Variants in CALD1 observed in about 807,000 individuals in gnomAD.
CALD1 encodes caldesmon.
In CALD1, 33 loss-of-function variants were observed where a neutral mutation model predicts 99.9. The ratio of observed to expected loss-of-function variants is 0.33; its 90% CI spans 0.25 to 0.44. The LOEUF is 0.44. Ranked by LOEUF, CALD1 falls within the 20% of genes least tolerant of loss-of-function variation. The pLI, the probability that CALD1 is intolerant of heterozygous loss-of-function variation, is 1.00. For missense variants in CALD1, 861 were observed against 962.1 expected, an observed-to-expected ratio of 0.89 and a Z score of 1.39; for synonymous variants, 310 against 325.0, an observed-to-expected ratio of 0.95 and a Z score of 0.50.
upstream of CALD1, among the ~76,000 whole-genome samples, chr7:134,740,467 C>T (rs1376477347): frequency 6.6e-6 from 1 of 152,140 alleles, no homozygotes; most frequent in Non-Finnish European, 1.5e-5. Flanking sequence ...GAACATGCAA[C>T]TTGGCAGCAG....
intron 1 of CALD1, among the ~76,000 whole-genome samples, chr7:134,806,274 C>T (rs559770700): frequency 6.6e-6 from 1 of 152,314 alleles, no homozygotes; most frequent in Admixed American, 6.5e-5. Context: ...ATATTTGCTT[C>T]CCATTCCCTC....
chr7:134,950,584 T>C lies in CALD1; in HGVS notation c.1935+70T>C, dbSNP rs1279581586. On this transcript the variant is annotated intron_variant, in intron 9 of 14. Transcript: ENST00000361675. ...TGGATTTTAGCCCCTTGTTTAGTTA[T>C]TGATTATACAGGGCCTTTGTTCATT... The C allele has an allele frequency of 4.9e-6, 6 of 1,225,234 alleles. No individual in the cohort carries two copies. The African/African-American group carries it at 9.0e-5, about 18-fold the overall frequency. 75.9% of individuals were successfully genotyped at this position (1,225,234 alleles called of 1,614,324 possible). A position where few individuals can be genotyped will look rare whatever the true frequency, so the allele number is the denominator to read the frequency against.
At chr7:134,876,594 G>C (rs1801364552) in intron 3 of CALD1, among the ~76,000 whole-genome samples, 2 of 152,184 alleles carry the variant, frequency 1.3e-5, no homozygotes, top group Admixed American at 1.3e-4. Context: ...CAGGAACTGG[G>C]AATCAAAGTT....
At chr7:134,831,517 C>T (rs1418915416) in intron 1 of CALD1, among the ~76,000 whole-genome samples, 3 of 152,078 alleles carry the variant, frequency 2.0e-5, no homozygotes, top group African/African-American at 7.2e-5. Context: ...GATGGGGTTT[C>T]ACCATCTTGG....
upstream of CALD1, among the ~76,000 whole-genome samples, chr7:134,777,280 G>A (rs539975328): frequency 2.0e-5 from 3 of 152,018 alleles, no homozygotes; most frequent in South Asian, 6.2e-4. Flanking sequence ...CAACTATATA[G>A]TTCCTCCATG....
In CALD1 at chr7:134,949,965, G is replaced by C. The variant is rs536621000; in HGVS notation, c.1795-409G>C. ...ATGTTTTAAGAAAGTTTACGAATTT[G>C]TGTTAGGCTACATTCAAAGCCATCC... On this transcript the variant is annotated intron_variant, in intron 8 of 14. Coordinates refer to ENST00000361675, the MANE Select transcript of CALD1 (RefSeq NM_033138.4). Among the ~76,000 whole-genome samples the C allele has an allele frequency of 2.6e-5, 4 of 152,162 alleles. No individual in the cohort carries two copies. The South Asian group carries it at 6.2e-4, about 24-fold the overall frequency.
chr7:134,877,487 A>G (rs541562523), intron 3 of CALD1, among the ~76,000 whole-genome samples: 10 of 152,336 alleles, frequency 6.6e-5, no homozygotes, highest in Middle Eastern at 3.4e-3. Flanking sequence ...TGATATATAC[A>G]TATGTGTATG....
intron 13 of CALD1, among the ~76,000 whole-genome samples, chr7:134,963,239 T>C (rs1808411907): frequency 6.6e-6 from 1 of 152,246 alleles, no homozygotes; most frequent in Non-Finnish European, 1.5e-5. Context: ...AGCTTCCACC[T>C]ACGCTGGCAA....
chr7:134,857,119 T>G (rs930687302), intron 2 of CALD1, among the ~76,000 whole-genome samples: 1 of 151,784 alleles, frequency 6.6e-6, no homozygotes, highest in African/African-American at 2.4e-5. Flanking sequence ...CTCAGGCTAT[T>G]GAGTCAGTTG....
At chr7:134,844,746 G>A (rs117627691) in intron 2 of CALD1, among the ~76,000 whole-genome samples, 229 of 152,050 alleles carry the variant, frequency 1.5e-3, no homozygotes, top group Middle Eastern at 3.4e-3. Context: ...TGGATTTCTC[G>A]AGGCCCTCCT....
intron 2 of CALD1, among the ~76,000 whole-genome samples, chr7:134,854,978 C>T (rs561891317): frequency 6.6e-6 from 1 of 152,274 alleles, no homozygotes; most frequent in East Asian, 1.9e-4. Context: ...TGTGCAGCAC[C>T]TCCCCCACTC....
At chr7:134,796,035 TTAAAA>T (rs1229853427) in intron 1 of CALD1, among the ~76,000 whole-genome samples, 2 of 152,264 alleles carry the variant, frequency 1.3e-5, no homozygotes, top group Non-Finnish European at 2.9e-5. Flanking sequence ...AGATATTCTG[TTAAAA>T]TAAAACAACG....
intron 4 of CALD1, among the ~76,000 whole-genome samples, chr7:134,930,820 T>G (rs369581375): frequency 6.6e-6 from 1 of 152,312 alleles, no homozygotes; most frequent in East Asian, 1.9e-4. Context: ...CTCAATAAAT[T>G]TTCACTGTTA....
chr7:134,957,713 G>A (rs1036100193), intron 9 of CALD1, among the ~76,000 whole-genome samples: 9 of 152,128 alleles, frequency 5.9e-5, no homozygotes, highest in Non-Finnish European at 1.0e-4. Context: ...GAGCCTCAGC[G>A]CTCAGCCAAT....
chr7:134,899,696 T>G (rs1387609256), intron 3 of CALD1: 1 of 152,386 alleles, frequency 6.6e-6, no homozygotes, highest in East Asian at 1.9e-4. Context: ...CAGGCTAGAG[T>G]GCAGTGGCAC....
chr7:134,818,749 C>T (rs746965936), intron 1 of CALD1, among the ~76,000 whole-genome samples: 1 of 152,276 alleles, frequency 6.6e-6, no homozygotes, highest in South Asian at 2.1e-4. Context: ...GAAAATGTAA[C>T]TCAATGACCC....
At chr7:134,740,245 G>A (rs1796581749), upstream of CALD1, among the ~76,000 whole-genome samples, 1 of 152,094 alleles carries the variant, frequency 6.6e-6, no homozygotes, top group African/African-American at 2.4e-5. Context: ...TGCCTTGAAT[G>A]AGGAAGTAGT....
At chr7:134,893,167 C>T (rs939843230) in intron 3 of CALD1, among the ~76,000 whole-genome samples, 4 of 152,128 alleles carry the variant, frequency 2.6e-5, no homozygotes, top group African/African-American at 9.7e-5. Context: ...TCTCTCTTCT[C>T]TGTTTACTCT....
rs1259010524 is a variant in CALD1 at position 134,891,508 on chromosome 7, C to T, written c.71+23704C>T. ...GAACACGGGAGCATCCTGCACCGTG[C>T]ATTTCAGCCACAGATCACATGGCCC... is the stretch of plus-strand genomic sequence containing the variant. On this transcript the variant is annotated intron_variant, in intron 3 of 14. Coordinates refer to ENST00000361675, the MANE Select transcript of CALD1 (RefSeq NM_033138.4). The T allele has an allele frequency of 3.4e-6, 5 of 1,488,022 alleles. No homozygotes were observed. The East Asian group carries it at 9.9e-5, about 30-fold the overall frequency. 92.2% of individuals were successfully genotyped at this position (1,488,022 alleles called of 1,614,324 possible). A position where few individuals can be genotyped will look rare whatever the true frequency, so the allele number is the denominator to read the frequency against.
Sources: gnomAD v4.1 joint callset for allele counts (sites outside exome capture counted in the v4.1 genomes callset) on GRCh38, gnomAD v4.1.1 for gene constraint, MANE v1.5 for transcripts, NCBI Gene and HGNC (gene_info 2026-07-23, HGNC 2026-07-21) for gene names.